CTNNA3: variants seen among roughly 807,000 people sequenced by gnomAD.
CTNNA3 encodes the protein catenin alpha-3.
CTNNA3 carries 76 observed loss-of-function variants against 95.7 expected under a neutral mutation model. The ratio of observed to expected loss-of-function variants is 0.79; its 90% CI spans 0.66 to 0.96. The LOEUF (loss-of-function observed/expected upper bound fraction) is 0.96. Ranked by LOEUF, CTNNA3 falls within the 40% of genes least tolerant of loss-of-function variation. CTNNA3 has a pLI of 0.00. For missense variants in CTNNA3, 1,191 were observed against 1,089.8 expected (o/e 1.09, Z -1.31); for synonymous variants, 431 against 374.4 (o/e 1.15, Z -1.74).
chr10:66,152,745 A>G (rs1331052315), intron 13 of CTNNA3, among the ~76,000 whole-genome samples: 1 of 151,944 alleles, frequency 6.6e-6, no homozygotes, highest in Admixed American at 6.6e-5. Context: ...GCAATGCTGT[A>G]CACTACCATG....
intron 17 of CTNNA3, among the ~76,000 whole-genome samples, chr10:65,962,199 A>G (rs535723621): frequency 6.6e-6 from 1 of 152,184 alleles, no homozygotes; most frequent in East Asian, 1.9e-4. Flanking sequence ...CTTCTCTTTC[A>G]TACCTCTTTC....
rs2132137876 is a variant in CTNNA3, at chr10:67,180,401, C to T, written c.963G>A (p.Arg321=). The change falls in exon 7 of 18, where the codon AGG becomes AGA. Residue 321 remains arginine, a synonymous_variant. Transcript: ENST00000433211. The part of the protein sequence containing the change: ...AALLADSSCT[R]DLHRERIIAE... Reference sequence around the variant, plus strand: ...CGATAATCCGCTCTCGGTGTAAGTCCCTCGTACATGAAGAATCCGCCAGCA... The same window carrying T: ...CGATAATCCGCTCTCGGTGTAAGTCTCTCGTACATGAAGAATCCGCCAGCA... 6.2e-7 allele frequency: 1 copy of T among 1,613,672 alleles called. No individual in the cohort carries two copies. Among genetic ancestry groups the T allele is most frequent in the Non-Finnish European group, 8.5e-7 (1 of 1,179,836 alleles).
intron 13 of CTNNA3, among the ~76,000 whole-genome samples, chr10:66,160,394 A>G (rs917397224): frequency 6.6e-6 from 1 of 152,016 alleles, no homozygotes; most frequent in Non-Finnish European, 1.5e-5. Context: ...ATTGTCATTC[A>G]GTTCGAATAA....
At chr10:66,758,752 T>C (rs571335420) in intron 9 of CTNNA3, among the ~76,000 whole-genome samples, 1 of 152,038 alleles carries the variant, frequency 6.6e-6, no homozygotes, top group African/African-American at 2.4e-5. Context: ...CTGGCCAACA[T>C]AGTGAAACCT....
chr10:66,288,634 C>T (rs2132184096), intron 12 of CTNNA3, among the ~76,000 whole-genome samples: 1 of 152,164 alleles, frequency 6.6e-6, no homozygotes, highest in African/African-American at 2.4e-5. Context: ...ATATGGCTAC[C>T]ATATTAGATA....
intron 11 of CTNNA3, among the ~76,000 whole-genome samples, chr10:66,444,353 A>G: frequency 6.6e-6 from 1 of 152,024 alleles, no homozygotes; most frequent in Non-Finnish European, 1.5e-5. Context: ...GAGAAGAGCA[A>G]CTCCAAGACA....
chr10:67,234,603 A>G (rs1865369806), intron 5 of CTNNA3, among the ~76,000 whole-genome samples: 1 of 151,922 alleles, frequency 6.6e-6, no homozygotes. Context: ...AAACTGGCAC[A>G]AGACAGGGAT....
At chr10:66,136,293 C>A (rs1385532005) in intron 13 of CTNNA3, among the ~76,000 whole-genome samples, 1 of 152,046 alleles carries the variant, frequency 6.6e-6, no homozygotes, top group Non-Finnish European at 1.5e-5. Flanking sequence ...AGTTTTATTG[C>A]CAAATTGTCT....
At chr10:66,338,694 G>T (rs560656428) in intron 12 of CTNNA3, among the ~76,000 whole-genome samples, 1 of 151,938 alleles carries the variant, frequency 6.6e-6, no homozygotes, top group East Asian at 1.9e-4. Context: ...GATCAGGGAG[G>T]CAGGTTGTTA....
At chr10:67,377,568 C>T (rs1843742523) in intron 5 of CTNNA3, among the ~76,000 whole-genome samples, 1 of 152,042 alleles carries the variant, frequency 6.6e-6, no homozygotes, top group African/African-American at 2.4e-5. Flanking sequence ...AAATTTTTTG[C>T]AGGTTGCTGA....
intron 7 of CTNNA3, among the ~76,000 whole-genome samples, chr10:67,065,043 G>A (rs1200963257): frequency 6.6e-6 from 1 of 152,126 alleles, no homozygotes; most frequent in African/African-American, 2.4e-5. Context: ...TACATAGCAA[G>A]TCCCATAAAG....
chr10:66,018,379 T>C (rs1053314088), intron 15 of CTNNA3, among the ~76,000 whole-genome samples: 2 of 152,154 alleles, frequency 1.3e-5, no homozygotes, highest in Non-Finnish European at 2.9e-5. Context: ...CATACAAACT[T>C]CGTGACATAC....
chr10:65,944,144 G>A (rs977261305), intron 17 of CTNNA3, among the ~76,000 whole-genome samples: 4 of 152,214 alleles, frequency 2.6e-5, no homozygotes, highest in Admixed American at 2.6e-4. Context: ...AAGTCCTCTT[G>A]TATGAATTAG....
chr10:66,440,138 T>C (rs542800794), intron 11 of CTNNA3, among the ~76,000 whole-genome samples: 1 of 152,300 alleles, frequency 6.6e-6, no homozygotes, highest in Non-Finnish European at 1.5e-5. Context: ...CACATAGCTT[T>C]TGCAATTATA....
At chr10:67,598,260 T>C (rs530933739) in intron 3 of CTNNA3, among the ~76,000 whole-genome samples, 1 of 152,220 alleles carries the variant, frequency 6.6e-6, no homozygotes, top group Admixed American at 6.5e-5. Context: ...CAAACAGCTC[T>C]CCTTGTCAGT....
At chr10:65,963,863 C>A (rs1415863575) in intron 17 of CTNNA3, among the ~76,000 whole-genome samples, 1 of 152,022 alleles carries the variant, frequency 6.6e-6, no homozygotes, top group Non-Finnish European at 1.5e-5. Context: ...GAATATCTCT[C>A]AGGTTATTTT....
chr10:66,974,688 T>A (rs1218203700), intron 7 of CTNNA3, among the ~76,000 whole-genome samples: 1 of 152,210 alleles, frequency 6.6e-6, no homozygotes, highest in Admixed American at 6.5e-5. Context: ...TGTGACTTTT[T>A]GTTTTTGTTT....
intron 7 of CTNNA3, among the ~76,000 whole-genome samples, chr10:66,901,184 C>T (rs1476089244): frequency 6.6e-6 from 1 of 152,180 alleles, no homozygotes; most frequent in Non-Finnish European, 1.5e-5. Flanking sequence ...GATCTCTCAG[C>T]AGAAACTCTA....
chr10:66,427,945 G>T (rs1307664870), intron 11 of CTNNA3, among the ~76,000 whole-genome samples: 1 of 152,004 alleles, frequency 6.6e-6, no homozygotes, highest in Non-Finnish European at 1.5e-5. Context: ...CCAATTAAAA[G>T]ACACAGACTG....
Sources: gnomAD v4.1 joint callset for allele counts (sites outside exome capture counted in the v4.1 genomes callset) on GRCh38, gnomAD v4.1.1 for gene constraint, MANE v1.5 for transcripts, NCBI Gene and HGNC (gene_info 2026-07-23, HGNC 2026-07-21) for gene names.